ZMYM4: variants seen among roughly 807,000 people sequenced by gnomAD.
ZMYM4 encodes zinc finger MYM-type protein 4.
ZMYM4 carries 31 observed loss-of-function variants against 183.2 expected under a neutral mutation model. The observed-to-expected ratio is 0.17, with a 90% CI of 0.13 to 0.23. ZMYM4 has a LOEUF of 0.23. Ranked by LOEUF, ZMYM4 falls within the 10% of genes least tolerant of loss-of-function variation. The pLI, the probability that ZMYM4 is intolerant of heterozygous loss-of-function variation, is 1.00. For missense variants in ZMYM4, 1,273 were observed against 1,840.3 expected (o/e 0.69, Z 5.64); for synonymous variants, 592 against 631.2 (o/e 0.94, Z 0.93).
At chr1:35,316,133 AT>A (rs1642035638) in intron 1 of ZMYM4, among the ~76,000 whole-genome samples, 1 of 152,106 alleles carries the variant, frequency 6.6e-6, no homozygotes, top group Admixed American at 6.6e-5. Context: ...AGTTTTTAGG[AT>A]TATGTAGCCC....
intron 1 of ZMYM4, among the ~76,000 whole-genome samples, chr1:35,317,479 C>T (rs888800214): frequency 8.5e-5 from 13 of 152,048 alleles, no homozygotes; most frequent in African/African-American, 2.4e-4. Context: ...AGCTTTATCA[C>T]GTAATTTAAA....
intron 7 of ZMYM4, among the ~76,000 whole-genome samples, chr1:35,374,280 C>T (rs1208459608): frequency 6.6e-6 from 1 of 151,738 alleles, no homozygotes; most frequent in East Asian, 1.9e-4. Context: ...ATGACCCACC[C>T]GCCTTGGCCT....
chr1:35,283,233 T>G (rs1436879035), intron 1 of ZMYM4, among the ~76,000 whole-genome samples: 4 of 149,610 alleles, frequency 2.7e-5, no homozygotes, highest in Non-Finnish European at 5.9e-5. Context: ...CAGACTAGTC[T>G]TGAACTCCTG....
In ZMYM4 at chr1:35,389,219, A is replaced by G. The variant is rs1313433579; in HGVS notation, c.2436+137A>G. ...AATGTTTTATGCCTTCTAGCAATTA[A>G]TATAAGATTTAGAAAGACTTTAATG... On this transcript the variant is annotated intron_variant, in intron 14 of 29. Transcript: ENST00000314607. This position sits in a 1 kb window ranked among gnomAD's most constrained non-coding sequence, Gnocchi z 4.0. 6 of 849,498 alleles carry G rather than the reference A, an allele frequency of 7.1e-6. No homozygotes were observed. The highest frequency in any genetic ancestry group is 3.8e-4 in the Middle Eastern group (1 of 2,650). The allele number at this position is 849,498 out of a possible 1,614,324, so 52.6% of individuals were successfully genotyped here.
At chr1:35,313,573 A>C (rs1281108225) in intron 1 of ZMYM4, among the ~76,000 whole-genome samples, 1 of 148,976 alleles carries the variant, frequency 6.7e-6, no homozygotes, top group African/African-American at 2.5e-5. Flanking sequence ...TATTTTAGTA[A>C]AGGTGGGTTT....
chr1:35,373,253 T>C (rs116138365), intron 7 of ZMYM4, among the ~76,000 whole-genome samples: 3,211 of 150,228 alleles, frequency 0.021, 114 homozygotes, highest in African/African-American at 0.071. Flanking sequence ...TATATATATA[T>C]ACACACACAC....
intron 7 of ZMYM4, among the ~76,000 whole-genome samples, chr1:35,376,108 GAA>G (rs1644329199): frequency 6.6e-6 from 1 of 152,008 alleles, no homozygotes; most frequent in South Asian, 2.1e-4. Flanking sequence ...ATTTTGCAGA[GAA>G]GAGGTAATTT....
intron 1 of ZMYM4, among the ~76,000 whole-genome samples, chr1:35,298,136 A>C (rs1641106945): frequency 6.6e-6 from 1 of 152,230 alleles, no homozygotes; most frequent in Non-Finnish European, 1.5e-5. Flanking sequence ...GGTGTGGTCC[A>C]CTGGATGCTG....
At chr1:35,325,665 G>A (rs1378500847) in intron 2 of ZMYM4, among the ~76,000 whole-genome samples, 1 of 151,884 alleles carries the variant, frequency 6.6e-6, no homozygotes, top group Admixed American at 6.6e-5. Flanking sequence ...CTATATGGAA[G>A]ATTATACTTA....
rs201975693 is a variant in ZMYM4, at chr1:35,414,753, A to G, written c.4060+670A>G. Among the ~76,000 whole-genome samples the G allele has an allele frequency of 1.8e-4, 27 of 152,228 alleles. No individual in the cohort carries two copies. In the East Asian group the frequency reaches 4.6e-3, roughly 26 times the overall value. ...TATTTCATCATGTGAAAATTATATTAAATTCATGGCTGGGTGTGGTGGCTC... is the reference window on the plus strand; with the variant it reads ...TATTTCATCATGTGAAAATTATATTGAATTCATGGCTGGGTGTGGTGGCTC... On this transcript the variant is annotated intron_variant, in intron 27 of 29. Coordinates refer to ENST00000314607, the MANE Select transcript of ZMYM4 (RefSeq NM_005095.3).
intron 28 of ZMYM4, among the ~76,000 whole-genome samples, chr1:35,417,482 G>A (rs1461347901): frequency 1.3e-5 from 2 of 152,162 alleles, no homozygotes; most frequent in South Asian, 2.1e-4. Flanking sequence ...CACAATATTC[G>A]AACAAATAAA....
intron 27 of ZMYM4, among the ~76,000 whole-genome samples, chr1:35,414,985 C>T (rs1640055261): frequency 6.6e-6 from 1 of 152,138 alleles, no homozygotes; most frequent in Admixed American, 6.5e-5. Context: ...GAGTTTGAGG[C>T]TGCAGTGAGC....
Position 35,372,679 on chromosome 1 carries a change from T to G in ZMYM4, c.1181+2052T>G, listed in dbSNP as rs112691650. On this transcript the variant is annotated intron_variant, in intron 7 of 29. Coordinates refer to ENST00000314607, the MANE Select transcript of ZMYM4 (RefSeq NM_005095.3). ...ACCAGAGGTGTTTCAGATTTTGGAT[T>G]TTTAAAAAGGTTTTGGGATATTTGC... 8.5e-5 allele frequency among the ~76,000 whole-genome samples: 13 copies of G among 152,180 alleles called. 2 individuals carry two copies. The highest frequency in any genetic ancestry group is 2.6e-4 in the African/African-American group (11 of 41,548).
Position 35,386,141 on chromosome 1 carries a change from T to C in ZMYM4, c.1788T>C (p.Asp596=). 2 of 1,614,084 alleles carry C rather than the reference T, an allele frequency of 1.2e-6. No individual in the cohort carries two copies. The highest frequency in any genetic ancestry group is 1.7e-6 in the Non-Finnish European group (2 of 1,179,952). The change falls in exon 11 of 30, where the codon GAT becomes GAC. Residue 596 remains aspartate, a synonymous_variant. Coordinates refer to ENST00000314607, the MANE Select transcript of ZMYM4 (RefSeq NM_005095.3). ...AIPQYHLAMS[D]GSIRNFCSYS... is the part of the protein sequence containing the mutation. ...CTCAGTATCACCTAGCCATGTCAGATGGAAGTATACGCAACTTCTGCAGCT... is the reference window on the plus strand; with the variant it reads ...CTCAGTATCACCTAGCCATGTCAGACGGAAGTATACGCAACTTCTGCAGCT...
chr1:35,411,297 G>A (rs1221687995), intron 26 of ZMYM4, among the ~76,000 whole-genome samples: 2 of 151,106 alleles, frequency 1.3e-5, no homozygotes, highest in Admixed American at 1.3e-4. Flanking sequence ...GGGATTACAG[G>A]CGCCCGCCAC....
Position 35,421,245 on chromosome 1 carries a change from G to T in ZMYM4, c.*1568G>T, listed in dbSNP as rs1321504234. ...TAGGCCTTCTGACATTGTGTACTTG[G>T]TGGTTCTGTCCCTCTGCCTGTAACA... On this transcript the variant is annotated 3_prime_UTR_variant, in exon 30 of 30. Coordinates refer to ENST00000314607, the MANE Select transcript of ZMYM4 (RefSeq NM_005095.3). The T allele has an allele frequency of 6.6e-6, 1 of 152,552 alleles. No homozygotes were observed. The highest frequency in any genetic ancestry group is 1.5e-5 in the Non-Finnish European group (1 of 68,022). 9.4% of individuals were successfully genotyped at this position (152,552 alleles called of 1,614,324 possible).
chr1:35,270,372 A>G (rs1417742901), intron 1 of ZMYM4, among the ~76,000 whole-genome samples: 1 of 152,176 alleles, frequency 6.6e-6, no homozygotes, highest in Non-Finnish European at 1.5e-5. Flanking sequence ...ATTTTTTCCA[A>G]CAATTTATTA....
intron 2 of ZMYM4, 172 bp from the exon 3 acceptor site, chr1:35,358,753 C>A: frequency 1.8e-6 from 1 of 544,786 alleles, no homozygotes; most frequent in Non-Finnish European, 3.0e-6. Context: ...CCTTAACTGT[C>A]AGATAGGAAT....
rs752441099 is a variant in ZMYM4 at position 35,376,145 on chromosome 1, TAGATC to T, written c.1182-5109_1182-5105del. ...TGGAGGATAATTTTGTTAATACTGTTAGATCAGATTCTTGTTATAATGATATTCAA... is the reference window on the plus strand; with the variant it reads ...TGGAGGATAATTTTGTTAATACTGTTAGATTCTTGTTATAATGATATTCAA... On this transcript the variant is annotated intron_variant, in intron 7 of 29. Transcript: ENST00000314607. Among the ~76,000 whole-genome samples the T allele has an allele frequency of 9.2e-5, 14 of 152,252 alleles. 1 individual carries two copies. Among genetic ancestry groups the T allele is most frequent in the African/African-American group, 2.9e-4 (12 of 41,528 alleles).
Sources: allele counts gnomAD v4.1 joint callset (sites outside exome capture counted in the v4.1 genomes callset), GRCh38; gene constraint gnomAD v4.1.1; non-coding constraint Gnocchi (gnomAD v3.1); transcripts MANE v1.5; gene names NCBI Gene and HGNC (gene_info 2026-07-23, HGNC 2026-07-21).